MSANTD7: variants seen among roughly 807,000 people sequenced by gnomAD.
MSANTD7 encodes zinc finger and SCAN domain containing 29.
chr10:14,843,764 C>T, the MSANTD7 span: 13 of 1,536,256 alleles, frequency 8.5e-6, no homozygotes, highest in Non-Finnish European at 1.1e-5. Context: ...CAAGATACTG[C>T]CAATGAGCTC....
the MSANTD7 span, chr10:14,846,334 A>C: frequency 1.0e-6 from 1 of 985,262 alleles, no homozygotes. Flanking sequence ...TAAGACAGGG[A>C]TTTCTTTGAG....
the MSANTD7 span, chr10:14,842,051 A>C: frequency 1.0e-6 from 1 of 984,186 alleles, no homozygotes; most frequent in Admixed American, 2.0e-5. This position sits in a 1 kb window ranked among gnomAD's most constrained non-coding sequence, Gnocchi z 5.2. Context: ...TTTATGACCT[A>C]CTCACAGGTA....
chr10:14,842,659 A>G, the MSANTD7 span: 2 of 1,536,270 alleles, frequency 1.3e-6, no homozygotes, highest in Non-Finnish European at 8.7e-7. The surrounding 1 kb of genome is among the most constrained non-coding windows in gnomAD (Gnocchi z 5.2). Context: ...ATCAGAACTT[A>G]GTGGCCTCTG....
the MSANTD7 span, chr10:14,844,581 C>T: frequency 2.3e-5 from 23 of 985,308 alleles, no homozygotes; most frequent in Non-Finnish European, 2.7e-5. Flanking sequence ...TTTTGTCAAA[C>T]CGTCTTTCTC....
the MSANTD7 span, chr10:14,846,573 C>T: frequency 1.0e-6 from 1 of 982,760 alleles, no homozygotes; most frequent in Non-Finnish European, 1.2e-6. Flanking sequence ...CCAACCATTA[C>T]TACTTGAACC....
At chr10:14,842,960 C>G in the MSANTD7 span, 3 of 813,476 alleles carry the variant, frequency 3.7e-6, no homozygotes, top group East Asian at 2.7e-5. The surrounding 1 kb of genome is among the most constrained non-coding windows in gnomAD (Gnocchi z 5.2). Flanking sequence ...CTGCCTCATT[C>G]TGCCCCACGC....
the MSANTD7 span, chr10:14,842,729 C>G: frequency 6.5e-7 from 1 of 1,536,396 alleles, no homozygotes; most frequent in Non-Finnish European, 8.7e-7. This position sits in a 1 kb window ranked among gnomAD's most constrained non-coding sequence, Gnocchi z 5.2. Context: ...GGCAGCTGAT[C>G]ATCAGCCTAT....
chr10:14,838,807 C>T, the MSANTD7 span, among the ~76,000 whole-genome samples: 1 of 151,906 alleles, frequency 6.6e-6, no homozygotes, highest in Non-Finnish European at 1.5e-5. Flanking sequence ...CGGGGGGTCC[C>T]GGGGACGGCG....
the MSANTD7 span, chr10:14,845,493 G>A: frequency 3.1e-5 from 31 of 985,198 alleles, no homozygotes; most frequent in South Asian, 1.9e-4. Context: ...GGTGTGAGGC[G>A]GCTGGTGTGG....
the MSANTD7 span, chr10:14,842,445 G>C: frequency 6.5e-5 from 100 of 1,536,046 alleles, no homozygotes; most frequent in Non-Finnish European, 8.3e-5. The surrounding 1 kb of genome is among the most constrained non-coding windows in gnomAD (Gnocchi z 5.2). Context: ...CAGCAGGAGG[G>C]CTTCCGCCGC....
the MSANTD7 span, chr10:14,842,919 G>C: frequency 1.3e-3 from 1,447 of 1,074,892 alleles, 14 homozygotes; most frequent in African/African-American, 0.02. The surrounding 1 kb of genome is among the most constrained non-coding windows in gnomAD (Gnocchi z 5.2). Context: ...TGTCTGTTTG[G>C]ATAGTGTCCT....
chr10:14,838,522 C>G, the MSANTD7 span: 10 of 1,466,792 alleles, frequency 6.8e-6, no homozygotes, highest in Non-Finnish European at 9.3e-6. Flanking sequence ...GGCGCTGGGT[C>G]ATCCACAGGC....
At chr10:14,839,261 A>G in the MSANTD7 span, among the ~76,000 whole-genome samples, 1 of 152,314 alleles carries the variant, frequency 6.6e-6, no homozygotes, top group African/African-American at 2.4e-5. Flanking sequence ...AGGGAATAAT[A>G]CTACTTCATT....
chr10:14,839,996 C>T, the MSANTD7 span: 1 of 1,594,030 alleles, frequency 6.3e-7, no homozygotes, highest in Admixed American at 1.7e-5. Context: ...GTACTAGTCC[C>T]CCCATTTTTG....
chr10:14,846,885 C>A, the MSANTD7 span: 1 of 985,296 alleles, frequency 1.0e-6, no homozygotes, highest in Non-Finnish European at 1.2e-6. Context: ...ATAGGATTAA[C>A]TGCCTCCTCA....
chr10:14,840,320 C>T, the MSANTD7 span, among the ~76,000 whole-genome samples: 1 of 152,090 alleles, frequency 6.6e-6, no homozygotes, highest in Non-Finnish European at 1.5e-5. Context: ...TCTTTTGATT[C>T]TTAGTGTTGG....
At chr10:14,839,981 A>C in the MSANTD7 span, 3 of 1,610,722 alleles carry the variant, frequency 1.9e-6, no homozygotes, top group Non-Finnish European at 2.5e-6. Context: ...TCAGAAAATG[A>C]AGAGGTACTA....
the MSANTD7 span, chr10:14,845,136 C>A: frequency 1.0e-6 from 1 of 985,426 alleles, no homozygotes; most frequent in Non-Finnish European, 1.2e-6. Flanking sequence ...CAGACACACA[C>A]TGGGGAGAGA....
At chr10:14,846,106 C>T in the MSANTD7 span, 1 of 983,158 alleles carries the variant, frequency 1.0e-6, no homozygotes, top group Non-Finnish European at 1.2e-6. Flanking sequence ...CTAAGTGCCA[C>T]ACCAGACATA....
Sources: gnomAD v4.1 joint callset for allele counts (sites outside exome capture counted in the v4.1 genomes callset) on GRCh38, gnomAD v4.1.1 for gene constraint, Gnocchi (gnomAD v3.1) non-coding constraint, MANE v1.5 for transcripts, NCBI Gene and HGNC (gene_info 2026-07-23, HGNC 2026-07-21) for gene names.